RPS6KA5: variants seen among roughly 807,000 people sequenced by gnomAD.
RPS6KA5 encodes the protein ribosomal protein S6 kinase alpha-5.
RPS6KA5 carries 27 observed loss-of-function variants against 85.5 expected under a neutral mutation model. That is an observed-to-expected ratio of 0.32 (90% CI 0.23 to 0.44). The LOEUF is 0.44. Ranked by LOEUF, RPS6KA5 falls within the 20% of genes least tolerant of loss-of-function variation. The pLI, the probability that RPS6KA5 is intolerant of heterozygous loss-of-function variation, is 1.00. For missense variants in RPS6KA5, 811 were observed against 980.9 expected (o/e 0.83, Z 2.31); for synonymous variants, 334 against 348.2 (o/e 0.96, Z 0.46).
At chr14:90,873,344 T>C (rs969966300) in intron 16 of RPS6KA5, among the ~76,000 whole-genome samples, 2 of 152,178 alleles carry the variant, frequency 1.3e-5, no homozygotes, top group Non-Finnish European at 2.9e-5. Flanking sequence ...TTAAAGAAAT[T>C]TAGTCAGTCT....
chr14:91,031,216 A>G (rs1307358372), intron 1 of RPS6KA5, among the ~76,000 whole-genome samples: 1 of 152,220 alleles, frequency 6.6e-6, no homozygotes, highest in African/African-American at 2.4e-5. Flanking sequence ...ACAATGGGAT[A>G]ATGCCTTCAA....
intron 5 of RPS6KA5, among the ~76,000 whole-genome samples, chr14:90,932,761 T>C (rs187152206): frequency 1.3e-5 from 2 of 152,328 alleles, no homozygotes; most frequent in East Asian, 1.9e-4. Context: ...ACTTGTGCGT[T>C]TGACATTATC....
chr14:90,946,325 C>A (rs2037869220), intron 4 of RPS6KA5, among the ~76,000 whole-genome samples: 1 of 151,862 alleles, frequency 6.6e-6, no homozygotes, highest in African/African-American at 2.4e-5. Flanking sequence ...CCAAAGGTTT[C>A]TTTCCCTGCT....
chr14:90,974,176 A>G (rs2039459081), intron 3 of RPS6KA5, among the ~76,000 whole-genome samples: 1 of 152,178 alleles, frequency 6.6e-6, no homozygotes, highest in African/African-American at 2.4e-5. Flanking sequence ...ATTGGGAAAA[A>G]TCGGATAATA....
rs1244548660 is a variant in RPS6KA5, at chr14:90,854,815, A to G, written c.*17259T>C. ...TGTGCTTTATTCAAAATATATTATT[A>G]AAAAATGTCAATACCTAGTTACTTC... is the stretch of plus-strand genomic sequence containing the variant. On this transcript the variant is annotated 3_prime_UTR_variant, in exon 17 of 17. Coordinates refer to ENST00000614987, the MANE Select transcript of RPS6KA5 (RefSeq NM_004755.4). 1 of 152,188 alleles carries G rather than the reference A, an allele frequency of 6.6e-6. No individual in the cohort carries two copies. Among genetic ancestry groups the G allele is most frequent in the East Asian group, 1.9e-4 (1 of 5,206 alleles). The allele number at this position is 152,188 out of a possible 1,614,324, so 9.4% of individuals were successfully genotyped here.
rs552208004 is a variant in RPS6KA5 at position 90,978,668 on chromosome 14, G to C, written c.176-144C>G. On this transcript the variant is annotated intron_variant, in intron 2 of 16. Transcript: ENST00000614987. ...TTGGTACCAGTTCAAATAGTTATTT[G>C]ATAGATTTCTTCAATTTTATACCAA... 1,389 of 599,398 alleles carry C rather than the reference G, an allele frequency of 2.3e-3. 16 individuals carry two copies. Among genetic ancestry groups the C allele is most frequent in the South Asian group, 0.015 (591 of 39,272 alleles). The allele number at this position is 599,398 out of a possible 1,614,324, so 37.1% of individuals were successfully genotyped here. A position where few individuals can be genotyped will look rare whatever the true frequency, so the allele number is the denominator to read the frequency against.
chr14:91,050,214 C>CA (rs1019793198), intron 1 of RPS6KA5, among the ~76,000 whole-genome samples: 2 of 151,756 alleles, frequency 1.3e-5, no homozygotes, highest in Non-Finnish European at 2.9e-5. Flanking sequence ...CCTATCTCTA[C>CA]AAAAAATAAA....
intron 3 of RPS6KA5, among the ~76,000 whole-genome samples, chr14:90,966,507 T>C (rs967789767): frequency 1.1e-4 from 17 of 152,184 alleles, no homozygotes; most frequent in African/African-American, 3.9e-4. Context: ...TCTCCAAAGC[T>C]TCTAAAATAG....
At chr14:90,945,330 G>T (rs1158699258) in intron 4 of RPS6KA5, among the ~76,000 whole-genome samples, 2 of 152,196 alleles carry the variant, frequency 1.3e-5, no homozygotes, top group Admixed American at 1.3e-4. Flanking sequence ...AGACAGGAAG[G>T]AAAATGTCTA....
chr14:91,018,054 C>A (rs1229774346), intron 1 of RPS6KA5, among the ~76,000 whole-genome samples: 1 of 152,154 alleles, frequency 6.6e-6, no homozygotes, highest in Non-Finnish European at 1.5e-5. Context: ...ACTACAACAA[C>A]GCAATTCAGG....
intron 1 of RPS6KA5, among the ~76,000 whole-genome samples, chr14:91,046,717 C>T (rs2042890132): frequency 6.6e-6 from 1 of 152,180 alleles, no homozygotes; most frequent in African/African-American, 2.4e-5. Flanking sequence ...TGATTCTCCA[C>T]CCTTTTACCT....
In RPS6KA5 at chr14:91,060,585, T is replaced by A; in HGVS notation, c.-151A>T. The A allele has an allele frequency of 1.9e-6, 2 of 1,061,614 alleles. No homozygotes were observed. The highest frequency in any genetic ancestry group is 6.3e-4 in the Middle Eastern group (2 of 3,166). The allele number at this position is 1,061,614 out of a possible 1,614,324, so 65.8% of individuals were successfully genotyped here. ...GCAAAGACGAGTCTCTTTCCCGCTC[T>A]GGCCGCACGGCTCGCTCCTCGCCTC... On this transcript the variant is annotated 5_prime_UTR_variant, in exon 1 of 17. Transcript: ENST00000614987.
At chr14:90,986,468 T>C (rs115782194) in intron 2 of RPS6KA5, among the ~76,000 whole-genome samples, 1,571 of 151,696 alleles carry the variant, frequency 0.01, 22 homozygotes, top group African/African-American at 0.036. Context: ...AAAAAATACG[T>C]TAAAATAAGA....
intron 1 of RPS6KA5, among the ~76,000 whole-genome samples, chr14:91,038,570 A>T (rs2139876087): frequency 6.6e-6 from 1 of 152,358 alleles, no homozygotes; most frequent in East Asian, 1.9e-4. Flanking sequence ...CAGAATTGCC[A>T]GAAGCTGATG....
chr14:90,945,254 C>T (rs1278941552), intron 4 of RPS6KA5, among the ~76,000 whole-genome samples: 2 of 152,106 alleles, frequency 1.3e-5, no homozygotes, highest in Non-Finnish European at 2.9e-5. Context: ...CCTGTATCAA[C>T]ACAACACAAC....
intron 8 of RPS6KA5, among the ~76,000 whole-genome samples, chr14:90,904,472 C>T (rs1451032567): frequency 1.3e-5 from 2 of 152,156 alleles, no homozygotes; most frequent in East Asian, 3.8e-4. Flanking sequence ...CACCCAAACA[C>T]CAGTTGGTGG....
intron 2 of RPS6KA5, among the ~76,000 whole-genome samples, chr14:90,991,433 A>T (rs190489852): frequency 1.4e-4 from 21 of 152,232 alleles, no homozygotes; most frequent in Non-Finnish European, 2.8e-4. Flanking sequence ...TGGGCGCAGC[A>T]GCTGATACCT....
intron 3 of RPS6KA5, among the ~76,000 whole-genome samples, chr14:90,974,981 C>T (rs191487238): frequency 6.2e-4 from 95 of 152,138 alleles, no homozygotes; most frequent in African/African-American, 2.0e-3. Flanking sequence ...AAATCATATA[C>T]GGGACAAACT....
In RPS6KA5 at chr14:91,011,605, C is replaced by G. The variant is rs1365460539; in HGVS notation, c.104-10446G>C. 3.9e-5 allele frequency among the ~76,000 whole-genome samples: 6 copies of G among 152,294 alleles called. No individual in the cohort carries two copies. The East Asian group carries it at 9.6e-4, about 24-fold the overall frequency. On this transcript the variant is annotated intron_variant, in intron 1 of 16. Coordinates refer to ENST00000614987, the MANE Select transcript of RPS6KA5 (RefSeq NM_004755.4). ...ATCAGGTTCCCTATCATGGAAATTGCTGTATCATGCTCTCAAGCTTTACTG... is the reference window on the plus strand; with the variant it reads ...ATCAGGTTCCCTATCATGGAAATTGGTGTATCATGCTCTCAAGCTTTACTG...
Sources: gnomAD v4.1 joint callset for allele counts (sites outside exome capture counted in the v4.1 genomes callset) on GRCh38, gnomAD v4.1.1 for gene constraint, MANE v1.5 for transcripts, NCBI Gene and HGNC (gene_info 2026-07-23, HGNC 2026-07-21) for gene names.